GRM1: variants seen among roughly 807,000 people sequenced by gnomAD.
The protein encoded by GRM1 is glutamate metabotropic receptor 1.
A neutral mutation model predicts 90.9 loss-of-function variants in GRM1; 33 were observed. The ratio of observed to expected loss-of-function variants is 0.36; its 90% CI spans 0.28 to 0.49. The LOEUF (loss-of-function observed/expected upper bound fraction) is 0.49, where lower values mean the gene tolerates loss of function less well. GRM1 is among the 20% of genes least tolerant of loss of function. The pLI is 0.99. For missense variants in GRM1, 1,190 were observed against 1,534.3 expected, an observed-to-expected ratio of 0.78 and a Z score of 3.75; for synonymous variants, 700 against 613.2, an observed-to-expected ratio of 1.14 and a Z score of -2.09.
intron 3 of GRM1, among the ~76,000 whole-genome samples, chr6:146,349,067 A>ATTATTT (rs1785286012): frequency 6.8e-6 from 1 of 147,596 alleles, no homozygotes; most frequent in Non-Finnish European, 1.5e-5. Flanking sequence ...TATTATTATT[A>ATTATTT]TTATTATTAT....
At chr6:146,405,719 T>C (rs1777322765) in intron 7 of GRM1, among the ~76,000 whole-genome samples, 1 of 152,162 alleles carries the variant, frequency 6.6e-6, no homozygotes, top group Admixed American at 6.5e-5. Context: ...TGTTTGTTTG[T>C]TTTTTACATG....
intron 1 of GRM1, among the ~76,000 whole-genome samples, chr6:146,078,555 C>T (rs1265196022): frequency 6.6e-6 from 1 of 152,042 alleles, no homozygotes; most frequent in Admixed American, 6.6e-5. Context: ...GTTACCATTC[C>T]ACTGGCATAA....
chr6:146,291,466 T>A (rs1782982614), intron 2 of GRM1, among the ~76,000 whole-genome samples: 1 of 151,522 alleles, frequency 6.6e-6, no homozygotes. Flanking sequence ...CATGTGTGTA[T>A]GTAGATACAC....
Position 146,379,936 on chromosome 6 carries a change from C to T in GRM1, c.1603-6954C>T, listed in dbSNP as rs528821451. On this transcript the variant is annotated intron_variant, in intron 5 of 7. Transcript: ENST00000282753. ...TCTCAAACATACAGAGTCTGTCTCT[C>T]TCTCTCTCTCTCTCTCTCTCTCTTT... 6.4e-3 allele frequency among the ~76,000 whole-genome samples: 888 copies of T among 138,134 alleles called. 8 individuals carry two copies. Among genetic ancestry groups the T allele is most frequent in the Middle Eastern group, 0.036 (10 of 280 alleles). The allele number at this position is 138,134 out of a possible 152,430, so 90.6% of individuals were successfully genotyped here. A position where few individuals can be genotyped will look rare whatever the true frequency, so the allele number is the denominator to read the frequency against.
At chr6:146,129,637 C>T (rs1022407146) in intron 1 of GRM1, among the ~76,000 whole-genome samples, 1 of 152,102 alleles carries the variant, frequency 6.6e-6, no homozygotes, top group Non-Finnish European at 1.5e-5. Context: ...CTAGGCCACT[C>T]TAAGGCTGTT....
At chr6:146,190,614 A>G (rs1778903123) in intron 2 of GRM1, among the ~76,000 whole-genome samples, 1 of 152,200 alleles carries the variant, frequency 6.6e-6, no homozygotes, top group Non-Finnish European at 1.5e-5. Flanking sequence ...GTAACTTAAA[A>G]AGTAAAAAGA....
At chr6:146,362,575 A>T (rs573220916) in intron 5 of GRM1, among the ~76,000 whole-genome samples, 73 of 142,902 alleles carry the variant, frequency 5.1e-4, no homozygotes, top group African/African-American at 1.7e-3. Context: ...GCTACTCAGG[A>T]GGCTGAGGCA....
chr6:146,177,453 A>AT (rs566531411), intron 2 of GRM1, among the ~76,000 whole-genome samples: 4 of 151,952 alleles, frequency 2.6e-5, no homozygotes, highest in African/African-American at 7.2e-5. Flanking sequence ...GCTCTCTTTG[A>AT]TTTTTTATAT....
At chr6:146,326,957 T>C (rs1474625781) in intron 3 of GRM1, among the ~76,000 whole-genome samples, 1 of 152,204 alleles carries the variant, frequency 6.6e-6, no homozygotes. Context: ...AAATAAACTT[T>C]TAATTTTAGA....
intron 1 of GRM1, among the ~76,000 whole-genome samples, chr6:146,139,751 T>C (rs1776765139): frequency 6.6e-6 from 1 of 152,194 alleles, no homozygotes; most frequent in Non-Finnish European, 1.5e-5. Context: ...TTATTTATTT[T>C]AATCCTTTCA....
intron 2 of GRM1, among the ~76,000 whole-genome samples, chr6:146,174,986 G>T (rs1778284728): frequency 1.3e-5 from 2 of 152,180 alleles, no homozygotes. Flanking sequence ...GTGGGGGGCG[G>T]ATAGAGAGAG....
chr6:146,036,430 A>G (rs1790893749), intron 1 of GRM1, among the ~76,000 whole-genome samples: 1 of 152,004 alleles, frequency 6.6e-6, no homozygotes, highest in South Asian at 2.1e-4. Flanking sequence ...TCACTGTCTT[A>G]TGCAACAGAG....
At chr6:146,366,515 C>A (rs1583394499) in intron 5 of GRM1, among the ~76,000 whole-genome samples, 1 of 152,136 alleles carries the variant, frequency 6.6e-6, no homozygotes, top group African/African-American at 2.4e-5. Context: ...CCCTTCCCAG[C>A]CTCAGGTAAT....
At chr6:146,190,976 G>T (rs1453073498) in intron 2 of GRM1, among the ~76,000 whole-genome samples, 1 of 152,068 alleles carries the variant, frequency 6.6e-6, no homozygotes, top group Non-Finnish European at 1.5e-5. Flanking sequence ...CTTAAGATTG[G>T]ACCCTAGACC....
intron 2 of GRM1, among the ~76,000 whole-genome samples, chr6:146,221,329 A>C (rs772692251): frequency 2.7e-4 from 41 of 152,060 alleles, no homozygotes; most frequent in African/African-American, 6.3e-4. Flanking sequence ...ATTTCTCCTA[A>C]TGCTCTCCCT....
At chr6:146,138,261 T>C (rs1467857588) in intron 1 of GRM1, among the ~76,000 whole-genome samples, 1 of 152,194 alleles carries the variant, frequency 6.6e-6, no homozygotes, top group African/African-American at 2.4e-5. Flanking sequence ...GCTTTCAGTT[T>C]TTCCCCATCA....
intron 7 of GRM1, among the ~76,000 whole-genome samples, chr6:146,428,450 C>T (rs1778293133): frequency 6.6e-6 from 1 of 152,108 alleles, no homozygotes; most frequent in Non-Finnish European, 1.5e-5. Context: ...GGAAATATGG[C>T]AGTTGCATTT....
chr6:146,251,919 A>G (rs146907601), intron 2 of GRM1, among the ~76,000 whole-genome samples: 16 of 152,192 alleles, frequency 1.1e-4, no homozygotes, highest in Middle Eastern at 6.8e-3. Flanking sequence ...TCTTCCTCAT[A>G]TATTTCCAGG....
At chr6:146,039,313 A>G (rs907509759) in intron 1 of GRM1, among the ~76,000 whole-genome samples, 1 of 152,056 alleles carries the variant, frequency 6.6e-6, no homozygotes, top group African/African-American at 2.4e-5. Flanking sequence ...ATCCGAGGAA[A>G]CAAAGGAGTA....
Sources: allele counts gnomAD v4.1 joint callset (sites outside exome capture counted in the v4.1 genomes callset), GRCh38; gene constraint gnomAD v4.1.1; transcripts MANE v1.5; gene names NCBI Gene and HGNC (gene_info 2026-07-23, HGNC 2026-07-21).